GRK5: variants seen among roughly 807,000 people sequenced by gnomAD.
The protein encoded by GRK5 is G protein-coupled receptor kinase 5, also known as g protein-coupled receptor kinase GRK5.
GRK5 carries 40 observed loss-of-function variants against 78.4 expected under a neutral mutation model. The ratio of observed to expected loss-of-function variants is 0.51; its 90% CI spans 0.40 to 0.66. GRK5 has a LOEUF of 0.66. Ranked by LOEUF, GRK5 falls within the 30% of genes least tolerant of loss-of-function variation. The pLI, the probability that GRK5 is intolerant of heterozygous loss-of-function variation, is 0.00. For missense variants in GRK5, 598 were observed against 759.9 expected (o/e 0.79, Z 2.50); for synonymous variants, 289 against 296.8 (o/e 0.97, Z 0.27).
chr10:119,344,925 CCTTCCTTCCTT>C (rs1564898980), intron 2 of GRK5, among the ~76,000 whole-genome samples: 7 of 138,640 alleles, frequency 5.0e-5, no homozygotes, highest in African/African-American at 1.9e-4. Flanking sequence ...TTCCTTCCTT[CCTTCCTTCCTT>C]TTCCTCCCTC....
At chr10:119,329,015 G>A (rs968256701) in intron 2 of GRK5, among the ~76,000 whole-genome samples, 6 of 152,206 alleles carry the variant, frequency 3.9e-5, no homozygotes, top group African/African-American at 1.4e-4. Flanking sequence ...CCACTGCGTA[G>A]TTGGTGCCTG....
intron 1 of GRK5, among the ~76,000 whole-genome samples, chr10:119,227,525 C>T (rs1055973096): frequency 6.6e-6 from 1 of 152,058 alleles, no homozygotes; most frequent in Non-Finnish European, 1.5e-5. Flanking sequence ...GAGCTGAGAT[C>T]GTGGCACTGC....
At chr10:119,243,533 G>A (rs1646906862) in intron 1 of GRK5, among the ~76,000 whole-genome samples, 1 of 150,960 alleles carries the variant, frequency 6.6e-6, no homozygotes, top group Admixed American at 6.6e-5. Flanking sequence ...TGGATTTCTG[G>A]ATCCAAGGAT....
At chr10:119,421,503 C>G (rs561854026) in intron 4 of GRK5, among the ~76,000 whole-genome samples, 2 of 152,252 alleles carry the variant, frequency 1.3e-5, no homozygotes, top group Admixed American at 1.3e-4. Flanking sequence ...GCCTGGGGCT[C>G]CTCCCATGAC....
At chr10:119,433,413 C>T (rs1013327567) in intron 8 of GRK5, among the ~76,000 whole-genome samples, 5 of 152,240 alleles carry the variant, frequency 3.3e-5, no homozygotes, top group African/African-American at 9.6e-5. Context: ...CTGGGTGGCA[C>T]GTCTTTAAGG....
chr10:119,339,666 T>C (rs1850950708), intron 2 of GRK5, among the ~76,000 whole-genome samples: 1 of 151,978 alleles, frequency 6.6e-6, no homozygotes, highest in Admixed American at 6.6e-5. Flanking sequence ...GGCAGAGGCA[T>C]GTGGATCGCT....
At chr10:119,208,720 A>G (rs1848430468) in intron 1 of GRK5, 1 of 152,156 alleles carries the variant, frequency 6.6e-6, no homozygotes, top group African/African-American at 2.4e-5. Context: ...AGCTGGCAGG[A>G]AATATTGTCT....
In GRK5 at chr10:119,366,531, T is replaced by C. The variant is rs187211467; in HGVS notation, c.149-14284T>C. ...GGGGGCAGCTACTCGGCTCAGCTTT[T>C]CTTTTTGGGAAGAGCAACGGAAGAA... On this transcript the variant is annotated intron_variant, in intron 2 of 15. Transcript: ENST00000392870. Among the ~76,000 whole-genome samples, 911 of 152,304 alleles carry C rather than the reference T, an allele frequency of 6.0e-3. 7 individuals are homozygous for C. Among genetic ancestry groups the C allele is most frequent in the Middle Eastern group, 0.02 (6 of 294 alleles).
At chr10:119,424,936 C>A in intron 5 of GRK5, 57 bp from the exon 6 acceptor site, 1 of 1,229,220 alleles carries the variant, frequency 8.1e-7, no homozygotes, top group Non-Finnish European at 1.2e-6. Context: ...CAGCTTTGCC[C>A]CCCTGCTTGA....
intron 4 of GRK5, among the ~76,000 whole-genome samples, chr10:119,410,026 T>C (rs1055617505): frequency 6.6e-6 from 1 of 152,260 alleles, no homozygotes; most frequent in Non-Finnish European, 1.5e-5. Flanking sequence ...CTCCTGCAGC[T>C]GCGCCGGGTC....
chr10:119,239,838 G>A (rs1848993283), intron 1 of GRK5, among the ~76,000 whole-genome samples: 2 of 152,146 alleles, frequency 1.3e-5, no homozygotes, highest in Admixed American at 1.3e-4. Flanking sequence ...TCCCTGCAAA[G>A]GATGTGAACT....
Position 119,238,328 on chromosome 10 carries a change from G to A in GRK5, c.52+30359G>A, listed in dbSNP as rs531562768. Among the ~76,000 whole-genome samples, 1 of 152,238 alleles carries A rather than the reference G, an allele frequency of 6.6e-6. No homozygotes were observed. The highest frequency in any genetic ancestry group is 1.9e-4 in the East Asian group (1 of 5,172). ...TTAAACTTTGGACTGGCTCATCCAG[G>A]GAGGTGGCGCGATTTCCTCTGGAGG... On this transcript the variant is annotated intron_variant, in intron 1 of 15. Coordinates refer to ENST00000392870, the MANE Select transcript of GRK5 (RefSeq NM_005308.3). This position sits in a 1 kb window ranked among gnomAD's most constrained non-coding sequence, Gnocchi z 4.7.
Position 119,430,926 on chromosome 10 carries a change from G to C in GRK5, c.598-461G>C, listed in dbSNP as rs550894295. ...GGTTAGGTGACCCAGCCAAGGGCGC[G>C]CAGACAATGTGAGGCAGAGCTAAGA... On this transcript the variant is annotated intron_variant, in intron 7 of 15. Transcript: ENST00000392870. The surrounding 1 kb of genome is among the most constrained non-coding windows in gnomAD (Gnocchi z 4.5). Among the ~76,000 whole-genome samples, 1 of 152,190 alleles carries C rather than the reference G, an allele frequency of 6.6e-6. No homozygotes were observed. The highest frequency in any genetic ancestry group is 2.1e-4 in the South Asian group (1 of 4,828).
Position 119,403,575 on chromosome 10 carries a change from C to T in GRK5, c.339+6803C>T, listed in dbSNP as rs147901203. 6.1e-3 allele frequency among the ~76,000 whole-genome samples: 930 copies of T among 152,282 alleles called. 9 individuals carry two copies. The highest frequency in any genetic ancestry group is 0.022 in the African/African-American group (896 of 41,550). ...GATATTCCATTGTAAAGATACAACA[C>T]ATTTATTTAGTTATCTGCTCATCAT... On this transcript the variant is annotated intron_variant, in intron 4 of 15. Transcript: ENST00000392870.
intron 1 of GRK5, among the ~76,000 whole-genome samples, chr10:119,319,700 G>A (rs576756139): frequency 6.6e-5 from 10 of 152,348 alleles, no homozygotes; most frequent in Admixed American, 2.6e-4. Context: ...AGGAAATAGC[G>A]GTGAGCCAGT....
In GRK5 at chr10:119,358,864, G is replaced by A. The variant is rs531517019; in HGVS notation, c.149-21951G>A. ...GGCTGGCTTCTGCCCTTGCTGGTTT[G>A]TAGATCCACTGTCTTCCTGTTATGT... On this transcript the variant is annotated intron_variant, in intron 2 of 15. Coordinates refer to ENST00000392870, the MANE Select transcript of GRK5 (RefSeq NM_005308.3). Among the ~76,000 whole-genome samples the A allele has an allele frequency of 9.2e-5, 14 of 152,296 alleles. No individual in the cohort carries two copies. The South Asian group carries it at 2.5e-3, about 27-fold the overall frequency.
intron 3 of GRK5, among the ~76,000 whole-genome samples, chr10:119,381,345 T>C (rs1589775250): frequency 1.3e-5 from 2 of 152,340 alleles, no homozygotes; most frequent in South Asian, 4.1e-4. Flanking sequence ...TGCTTCCCCA[T>C]TAGAATGCAA....
chr10:119,335,495 C>CTGGGACTA (rs1850868817), intron 2 of GRK5, among the ~76,000 whole-genome samples: 2 of 152,184 alleles, frequency 1.3e-5, no homozygotes, highest in African/African-American at 4.8e-5. Context: ...TCCCAAGTAG[C>CTGGGACTA]TGGGACTACA....
At position 119,282,530 on chromosome 10, in the gene GRK5, C is replaced by T. The variant is rs529712682; in HGVS notation, c.53-43986C>T. Among the ~76,000 whole-genome samples, 4 of 152,334 alleles carry T rather than the reference C, an allele frequency of 2.6e-5. No individual in the cohort carries two copies. In the East Asian group the frequency reaches 5.8e-4, roughly 22 times the overall value. ...GTGTCCTCAGCTCCTAGACCAGGGT[C>T]GGGTTCCGGCTGGGGCAGGAGAGGC... On this transcript the variant is annotated intron_variant, in intron 1 of 15. Coordinates refer to ENST00000392870, the MANE Select transcript of GRK5 (RefSeq NM_005308.3).
Sources: gnomAD v4.1 joint callset for allele counts (sites outside exome capture counted in the v4.1 genomes callset) on GRCh38, gnomAD v4.1.1 for gene constraint, Gnocchi (gnomAD v3.1) non-coding constraint, MANE v1.5 for transcripts, NCBI Gene and HGNC (gene_info 2026-07-23, HGNC 2026-07-21) for gene names.